Variants in TECTA observed in about 807,000 individuals in gnomAD.
TECTA encodes the protein alpha-tectorin.
A neutral mutation model predicts 216.8 loss-of-function variants in TECTA; 128 were observed. The ratio of observed to expected loss-of-function variants is 0.59; its 90% confidence interval spans 0.51 to 0.68. The LOEUF is 0.68. TECTA is among the 30% of genes least tolerant of loss of function. The pLI is 0.00. For missense variants in TECTA, 2,551 were observed against 2,786.2 expected (o/e 0.92, Z 1.90); for synonymous variants, 1,089 against 1,117.1 (o/e 0.97, Z 0.50).
intron 7 of TECTA, among the ~76,000 whole-genome samples, chr11:121,122,806 T>C (rs1331454120): frequency 6.6e-6 from 1 of 151,898 alleles, no homozygotes; most frequent in African/African-American, 2.4e-5. Flanking sequence ...TGAGCCACGT[T>C]TGTGCCACTG....
rs1179331020 is a variant in TECTA, at chr11:121,127,055, C to A, written c.1775-697C>A. ...CTGAGCCCCTGCTTGTTGGATTCAA[C>A]CAGACTCAAACATTTATGTAGACCC... On this transcript the variant is annotated intron_variant, in intron 8 of 23. Coordinates refer to ENST00000392793, the MANE Select transcript of TECTA (RefSeq NM_005422.4). This position sits in a 1 kb window ranked among gnomAD's most constrained non-coding sequence, Gnocchi z 5.0. Among the ~76,000 whole-genome samples the A allele has an allele frequency of 6.6e-6, 1 of 152,154 alleles. No individual in the cohort carries two copies. Among genetic ancestry groups the A allele is most frequent in the East Asian group, 1.9e-4 (1 of 5,196 alleles).
At chr11:121,180,637 T>C (rs1460791720) in intron 20 of TECTA, among the ~76,000 whole-genome samples, 2 of 152,194 alleles carry the variant, frequency 1.3e-5, no homozygotes, top group Non-Finnish European at 2.9e-5. Flanking sequence ...GAGCTTCCTA[T>C]ATGTAGATGT....
chr11:121,173,174 G>A (rs1186550391), intron 20 of TECTA, among the ~76,000 whole-genome samples: 1 of 152,052 alleles, frequency 6.6e-6, no homozygotes, highest in Non-Finnish European at 1.5e-5. Flanking sequence ...CTTTTGCTGT[G>A]CAGAAGCTCT....
chr11:121,175,345 C>T (rs1028308128), intron 20 of TECTA, among the ~76,000 whole-genome samples: 2 of 151,752 alleles, frequency 1.3e-5, no homozygotes, highest in Non-Finnish European at 2.9e-5. Flanking sequence ...TATAAATTTC[C>T]CTCTACACAC....
intron 20 of TECTA, among the ~76,000 whole-genome samples, chr11:121,170,227 A>G (rs573587531): frequency 6.7e-4 from 102 of 152,278 alleles, no homozygotes; most frequent in Middle Eastern, 3.4e-3. Flanking sequence ...GTGTATATAT[A>G]TCACATTTTC....
At position 121,128,350 on chromosome 11, in the gene TECTA, G is replaced by C. The variant is rs555970010; in HGVS notation, c.2367+6G>C. ...TCGGGGCTTCGGAAGTCAAGGTAAG[G>C]CTCCTTGCTCCTTTGGAGGGGTTCC... On this transcript the variant is annotated splice_donor_region_variant and intron_variant, in intron 9 of 23. Transcript: ENST00000392793. 4.4e-6 allele frequency: 7 copies of C among 1,599,022 alleles called. No homozygotes were observed. Among genetic ancestry groups the C allele is most frequent in the South Asian group, 1.1e-5 (1 of 90,978 alleles).
At chr11:121,163,643 A>G (rs1947023888) in intron 16 of TECTA, among the ~76,000 whole-genome samples, 1 of 152,250 alleles carries the variant, frequency 6.6e-6, no homozygotes, top group South Asian at 2.1e-4. Flanking sequence ...GACTTTAAAA[A>G]TTAACTGTTT....
intron 4 of TECTA, chr11:121,110,248 A>C (rs1946430140): frequency 6.5e-6 from 1 of 152,798 alleles, no homozygotes; most frequent in Non-Finnish European, 1.5e-5. Flanking sequence ...GCCAGTGGAG[A>C]GTTTTGAAGT....
Position 121,145,624 on chromosome 11 carries a change from T to C in TECTA, c.3613T>C (p.Phe1205Leu). ...QGKINIFSFG[F>L]HVVVETDFGL... Reference sequence around the variant, plus strand: ...GAAGATAAATATCTTTTCCTTTGGCTTCCACGTGGTGGTGGAAACTGATTT... The same window carrying C: ...GAAGATAAATATCTTTTCCTTTGGCCTCCACGTGGTGGTGGAAACTGATTT... Residue 1205 changes from phenylalanine (F) to leucine (L), a missense_variant, in exon 12 of 24, where the codon TTC becomes CTC. Around this residue, in one of 3 missense-constraint regions of TECTA, gnomAD observed 2,375 missense variants for 2,563.9 expected, o/e 0.93. Transcript: ENST00000392793. 6.2e-7 allele frequency: 1 copy of C among 1,614,246 alleles called. No individual in the cohort carries two copies. Among genetic ancestry groups the C allele is most frequent in the African/African-American group, 1.3e-5 (1 of 75,060 alleles).
At chr11:121,153,680 T>C (rs1946915250) in intron 13 of TECTA, among the ~76,000 whole-genome samples, 1 of 152,218 alleles carries the variant, frequency 6.6e-6, no homozygotes, top group Non-Finnish European at 1.5e-5. Context: ...CGGCGCCCTC[T>C]ACAGGAGTTT....
chr11:121,103,964 G>T (rs930431887), intron 2 of TECTA, among the ~76,000 whole-genome samples: 7 of 152,194 alleles, frequency 4.6e-5, no homozygotes, highest in Non-Finnish European at 8.8e-5. Flanking sequence ...AGCAGAAGAG[G>T]AAGTTAGGGT....
At chr11:121,160,605 A>G (rs1379431413) in intron 15 of TECTA, among the ~76,000 whole-genome samples, 184 bp downstream of exon 15, 1 of 152,218 alleles carries the variant, frequency 6.6e-6, no homozygotes. Context: ...AATTTCGTGA[A>G]CTGCAGAGGA....
intron 22 of TECTA, 50 bp downstream of exon 22, chr11:121,189,217 T>C: frequency 6.3e-7 from 1 of 1,589,000 alleles, no homozygotes; most frequent in Non-Finnish European, 8.6e-7. Flanking sequence ...CAACGGGATT[T>C]CAAGGCTCAG....
chr11:121,136,058 G>A (rs756844258), intron 10 of TECTA, among the ~76,000 whole-genome samples: 8 of 151,880 alleles, frequency 5.3e-5, no homozygotes, highest in Non-Finnish European at 8.8e-5. Flanking sequence ...TCCCAGGTTC[G>A]AGCGATTCTA....
At chr11:121,134,062 T>G (rs574070925) in intron 10 of TECTA, among the ~76,000 whole-genome samples, 1 of 152,136 alleles carries the variant, frequency 6.6e-6, no homozygotes, top group Non-Finnish European at 1.5e-5. Context: ...GCCTGTAGGA[T>G]CTCCTTCAAG....
At chr11:121,189,206 A>G (rs757063722) in intron 22 of TECTA, 39 bp downstream of exon 22, 4 of 1,600,928 alleles carry the variant, frequency 2.5e-6, no homozygotes, top group Non-Finnish European at 3.4e-6. Flanking sequence ...AATTATTAAA[A>G]CAACGGGATT....
chr11:121,190,117 A>G, intron 23 of TECTA: 1 of 519,390 alleles, frequency 1.9e-6, no homozygotes, highest in East Asian at 3.5e-5. Context: ...AGGTAATTTA[A>G]AAAAACAAGT....
Position 121,158,058 on chromosome 11 carries a change from A to G in TECTA, c.4523A>G (p.Asn1508Ser), listed in dbSNP as rs531904183. 4.3e-6 allele frequency: 7 copies of G among 1,613,636 alleles called. No individual in the cohort carries two copies. Among genetic ancestry groups the G allele is most frequent in the African/African-American group, 1.3e-5 (1 of 75,054 alleles). Residue 1508 changes from asparagine to serine, a missense_variant, in exon 14 of 24, where the codon AAC becomes AGC. Coordinates refer to ENST00000392793, the MANE Select transcript of TECTA (RefSeq NM_005422.4). ...GGCGCCTTCCTGCGCTTCCCAGCCAACTGCGCCTTCGTGCTGTCCACCATC... is the reference window on the plus strand; with the variant it reads ...GGCGCCTTCCTGCGCTTCCCAGCCAGCTGCGCCTTCGTGCTGTCCACCATC... ...FDGAFLRFPA[N>S]CAFVLSTICQ...
intron 22 of TECTA, 116 bp downstream of exon 22, chr11:121,189,283 C>T: frequency 1.0e-6 from 1 of 993,114 alleles, no homozygotes; most frequent in Admixed American, 1.9e-5. Flanking sequence ...GTTGGGGACA[C>T]CGGTTTGAGA....
Sources: gnomAD v4.1 joint callset for allele counts (sites outside exome capture counted in the v4.1 genomes callset) on GRCh38, gnomAD v4.1.1 for gene constraint, gnomAD v4.1.1 regional missense constraint, Gnocchi (gnomAD v3.1) non-coding constraint, MANE v1.5 for transcripts, NCBI Gene and HGNC (gene_info 2026-07-23, HGNC 2026-07-21) for gene names.